The following CDK11B variants were observed in gnomAD, a reference collection of about 807,000 sequenced individuals.
The protein encoded by CDK11B is cyclin-dependent kinase 11B.
In CDK11B, 37 loss-of-function variants were observed where a neutral mutation model predicts 84.0. The observed-to-expected ratio is 0.44, with a 90% CI of 0.34 to 0.58. The LOEUF is 0.58. Ranked by LOEUF, CDK11B falls within the 20% of genes least tolerant of loss-of-function variation. CDK11B has a pLI of 0.02. For missense variants in CDK11B, 427 were observed against 834.0 expected (o/e 0.51, Z 6.01); for synonymous variants, 269 against 309.8 (o/e 0.87, Z 1.38).
Position 1,657,373 on chromosome 1 carries a change from A to C in CDK11B, c.111+2T>G. ...ACCACTTACTTAAAAAATATGGCTTACATTTTTTAAGCGTTTTATCTCTGC... is the reference window on the plus strand; with the variant it reads ...ACCACTTACTTAAAAAATATGGCTTCCATTTTTTAAGCGTTTTATCTCTGC... On this transcript the variant is annotated splice_donor_variant, in intron 2 of 19. Transcript: ENST00000341832. LOFTEE classifies it high-confidence loss of function. 6.2e-7 allele frequency: 1 copy of C among 1,612,862 alleles called. No individual in the cohort carries two copies. The highest frequency in any genetic ancestry group is 8.5e-7 in the Non-Finnish European group (1 of 1,179,390).
chr1:1,656,141 A>G (rs1171755235), intron 2 of CDK11B, among the ~76,000 whole-genome samples: 1 of 152,166 alleles, frequency 6.6e-6, no homozygotes, highest in Non-Finnish European at 1.5e-5. Context: ...TGGCTCCAAA[A>G]CACCACAATA....
intron 3 of CDK11B, 24 bp downstream of exon 3, chr1:1,655,345 T>C (rs1226536344): frequency 5.0e-6 from 8 of 1,611,532 alleles, no homozygotes; most frequent in Non-Finnish European, 5.1e-6. Context: ...CAGCTGGGTC[T>C]TGCACATCTG....
In CDK11B at chr1:1,653,609, C is replaced by T. The variant is rs576901918; in HGVS notation, c.228-1043G>A. 9.3e-4 allele frequency among the ~76,000 whole-genome samples: 142 copies of T among 152,132 alleles called. 1 individual carries two copies. Among genetic ancestry groups the T allele is most frequent in the South Asian group, 3.1e-3 (15 of 4,812 alleles). ...GTGTTGGGATTACAGGCGCGAGCTACTGCACCCAGCCATTCACATCATATT... is the reference window on the plus strand; with the variant it reads ...GTGTTGGGATTACAGGCGCGAGCTATTGCACCCAGCCATTCACATCATATT... On this transcript the variant is annotated intron_variant, in intron 3 of 19. Coordinates refer to ENST00000341832, the MANE Select transcript of CDK11B (RefSeq NM_033486.3).
At chr1:1,643,324 G>A (rs1448197637) in intron 6 of CDK11B, among the ~76,000 whole-genome samples, 6 of 139,240 alleles carry the variant, frequency 4.3e-5, no homozygotes, top group African/African-American at 1.2e-4. Flanking sequence ...ACAACAGGCC[G>A]ACCCCACAGA....
rs1267350868 is a variant in CDK11B at position 1,649,659 on chromosome 1, T to C, written c.356-22A>G. On this transcript the variant is annotated intron_variant, in intron 4 of 19. Transcript: ENST00000341832. ...TTCCCTAATGAGAAATAAAGTGTCA[T>C]GCAAAGAAACCTCACTTCAAAAATT... 2,629 of 1,608,386 alleles carry C rather than the reference T, an allele frequency of 1.6e-3. 61 individuals are homozygous for C. The East Asian group carries it at 0.049, about 30-fold the overall frequency.
Position 1,635,538 on chromosome 1 carries a change from A to T in CDK11B, c.*226T>A, listed in dbSNP as rs1318420675. ...TGTGCTGCCCCACGTGGGCACCCGA[A>T]GATGTCCACCCTCTCCGCCCTGGGC... On this transcript the variant is annotated 3_prime_UTR_variant, in exon 20 of 20. Coordinates refer to ENST00000341832, the MANE Select transcript of CDK11B (RefSeq NM_033486.3). 37 of 475,700 alleles carry T rather than the reference A, an allele frequency of 7.8e-5. 13 individuals carry two copies. The highest frequency in any genetic ancestry group is 3.1e-4 in the Admixed American group (9 of 28,708). The allele number at this position is 475,700 out of a possible 1,614,324, so 29.5% of individuals were successfully genotyped here.
rs1490113480 is a variant in CDK11B, at chr1:1,651,833, G to A, written c.355+606C>T. On this transcript the variant is annotated intron_variant, in intron 4 of 19. Coordinates refer to ENST00000341832, the MANE Select transcript of CDK11B (RefSeq NM_033486.3). The stretch of plus-strand genomic sequence containing the variant: ...CTCTGGTTTTTGGTCTGTGACACAC[G>A]CATGCTTTTAGCTAGAGTTTGCTCT... Among the ~76,000 whole-genome samples the A allele has an allele frequency of 1.1e-4, 16 of 151,662 alleles. No homozygotes were observed. In the East Asian group the frequency reaches 2.3e-3, roughly 22 times the overall value.
At chr1:1,657,279 G>T (rs771310756) in intron 2 of CDK11B, 96 bp downstream of exon 2, 1 of 1,613,798 alleles carries the variant, frequency 6.2e-7, no homozygotes. Context: ...AAGTACAAAA[G>T]AACTTCACCG....
chr1:1,652,693 A>T (rs1557714153), intron 3 of CDK11B, 127 bp from the exon 4 acceptor site: 4 of 665,386 alleles, frequency 6.0e-6, no homozygotes, highest in South Asian at 4.8e-5. Context: ...AACATCATTT[A>T]AAAAATTACA....
At chr1:1,650,114 C>CA (rs1281662265) in intron 4 of CDK11B, among the ~76,000 whole-genome samples, 16 of 148,382 alleles carry the variant, frequency 1.1e-4, no homozygotes, top group Middle Eastern at 3.6e-3. Context: ...ACTAAAAATA[C>CA]AAAAAATTAG....
Position 1,635,468 on chromosome 1 carries a change from G to A in CDK11B, c.*296C>T, listed in dbSNP as rs1442932969. The stretch of plus-strand genomic sequence containing the variant: ...CAGTTCCTTTCCAAATCACGGCCCA[G>A]CCAGCCCCGTGCGTGTCGAGAGTGG... On this transcript the variant is annotated 3_prime_UTR_variant, in exon 20 of 20. Transcript: ENST00000341832. The A allele has an allele frequency of 6.9e-6, 2 of 288,422 alleles. 1 individual carries two copies. Among genetic ancestry groups the A allele is most frequent in the Non-Finnish European group, 1.2e-5 (2 of 168,146 alleles). The allele number at this position is 288,422 out of a possible 1,614,324, so 17.9% of individuals were successfully genotyped here. A position where few individuals can be genotyped will look rare whatever the true frequency, so the allele number is the denominator to read the frequency against.
At chr1:1,658,233 T>C (rs1409635628) in intron 1 of CDK11B, among the ~76,000 whole-genome samples, 3 of 149,654 alleles carry the variant, frequency 2.0e-5, no homozygotes, top group Non-Finnish European at 2.9e-5. Context: ...TAGTCCCATA[T>C]ACTCTGCAAG....
At chr1:1,639,580 G>T (rs1190794993) in intron 11 of CDK11B, among the ~76,000 whole-genome samples, 1 of 151,902 alleles carries the variant, frequency 6.6e-6, no homozygotes, top group Non-Finnish European at 1.5e-5. Context: ...CAGGCCGGAT[G>T]TCATGTACTC....
chr1:1,637,672 G>C, intron 13 of CDK11B, 90 bp downstream of exon 13: 1 of 1,611,704 alleles, frequency 6.2e-7, no homozygotes, highest in Non-Finnish European at 8.5e-7. Flanking sequence ...AAGTGCAGGA[G>C]AGTGTAGGAA....
At chr1:1,644,971 G>A (rs1401388376) in intron 6 of CDK11B, among the ~76,000 whole-genome samples, 155 bp downstream of exon 6, 4,486 of 148,564 alleles carry the variant, frequency 0.03, 200 homozygotes, top group African/African-American at 0.11. Context: ...CCAGCCTGGG[G>A]GACAAGAGCA....
intron 4 of CDK11B, among the ~76,000 whole-genome samples, chr1:1,650,661 G>A (rs1221592069): frequency 7.1e-5 from 9 of 126,586 alleles, no homozygotes; most frequent in South Asian, 2.5e-4. Flanking sequence ...CACCGCGCCC[G>A]GCCTTTTTTT....
intron 11 of CDK11B, among the ~76,000 whole-genome samples, chr1:1,638,937 ATTTTTTTTTTT>A (rs70937162): frequency 2.5e-5 from 3 of 119,410 alleles, no homozygotes; most frequent in Admixed American, 1.7e-4. Context: ...TCTGTTTTCT[ATTTTTTTTTTT>A]TTTTTTTTTT....
intron 11 of CDK11B, 67 bp downstream of exon 11, chr1:1,640,210 G>A (rs1640055543): frequency 7.0e-6 from 11 of 1,573,608 alleles, no homozygotes; most frequent in Middle Eastern, 2.1e-4. Context: ...GCCAGGCTTC[G>A]CTCAGCCCCT....
chr1:1,640,539 G>C (rs1301858358), intron 10 of CDK11B, 87 bp from the exon 11 acceptor site: 65 of 1,579,172 alleles, frequency 4.1e-5, no homozygotes, highest in Non-Finnish European at 4.9e-5. Context: ...GCGCGTGGCA[G>C]GGCTGCCCCG....
Sources: gnomAD v4.1 joint callset for allele counts (sites outside exome capture counted in the v4.1 genomes callset) on GRCh38, gnomAD v4.1.1 for gene constraint, MANE v1.5 for transcripts, NCBI Gene and HGNC (gene_info 2026-07-23, HGNC 2026-07-21) for gene names.